Variants in IQCM observed in about 807,000 individuals in gnomAD.
IQCM encodes IQ domain-containing protein M.
Under a neutral mutation model 57.6 loss-of-function variants are expected in IQCM, and 45 were observed. The observed-to-expected ratio is 0.78, with a 90% confidence interval of 0.62 to 1.00. IQCM has a LOEUF of 1.00. Ranked by LOEUF, IQCM falls within the 50% of genes least tolerant of loss-of-function variation. The pLI is 0.00. For synonymous variants in IQCM, 148 were observed against 158.9 expected (o/e 0.93, Z 0.51); for missense variants, 468 against 511.6 (o/e 0.91, Z 0.82).
intron 12 of IQCM, among the ~76,000 whole-genome samples, chr4:149,486,350 A>G (rs938490444): frequency 6.6e-6 from 1 of 152,072 alleles, no homozygotes; most frequent in African/African-American, 2.4e-5. Flanking sequence ...CACCCACACC[A>G]TAGTACAAAG....
At chr4:149,570,898 G>T (rs1271031995) in intron 9 of IQCM, among the ~76,000 whole-genome samples, 1 of 151,978 alleles carries the variant, frequency 6.6e-6, no homozygotes, top group Admixed American at 6.6e-5. Flanking sequence ...ATGAAAAAAT[G>T]CTCAACATCA....
chr4:149,403,629 C>T (rs1201492613), intron 13 of IQCM, among the ~76,000 whole-genome samples: 1 of 151,790 alleles, frequency 6.6e-6, no homozygotes, highest in Non-Finnish European at 1.5e-5. Context: ...CTGTATGAGT[C>T]TTTCACTCAT....
intron 13 of IQCM, among the ~76,000 whole-genome samples, chr4:149,404,864 CAGAGAAATATATTTCGT>C (rs1732870972): frequency 6.6e-6 from 1 of 151,814 alleles, no homozygotes; most frequent in African/African-American, 2.4e-5. Flanking sequence ...CTAGAGAAAG[CAGAGAAATATATTTCGT>C]AGAGAAATAT....
chr4:149,783,810 C>G (rs1360857986), intron 2 of IQCM, among the ~76,000 whole-genome samples: 1 of 152,162 alleles, frequency 6.6e-6, no homozygotes, highest in Non-Finnish European at 1.5e-5. Context: ...GCTTCAACAG[C>G]ATCTAGATAC....
At chr4:149,743,133 T>G (rs1048354371) in intron 2 of IQCM, among the ~76,000 whole-genome samples, 1 of 152,206 alleles carries the variant, frequency 6.6e-6, no homozygotes, top group African/African-American at 2.4e-5. Flanking sequence ...GATTTCCTAC[T>G]ACTTTCTACT....
intron 13 of IQCM, among the ~76,000 whole-genome samples, chr4:149,377,711 C>G (rs962831759): frequency 6.6e-6 from 1 of 152,160 alleles, no homozygotes; most frequent in Non-Finnish European, 1.5e-5. Flanking sequence ...ATGTGCTATA[C>G]TAGCAAGAGC....
chr4:149,553,840 C>T (rs1749278711), intron 10 of IQCM, among the ~76,000 whole-genome samples: 1 of 152,060 alleles, frequency 6.6e-6, no homozygotes, highest in African/African-American at 2.4e-5. Flanking sequence ...ATTAGTTTAC[C>T]TGTGACTACA....
intron 2 of IQCM, among the ~76,000 whole-genome samples, chr4:149,766,713 T>A (rs1023760275): frequency 2.0e-5 from 3 of 152,162 alleles, no homozygotes; most frequent in Non-Finnish European, 2.9e-5. Context: ...ATGACCCAAC[T>A]GTTACTATTT....
At chr4:149,604,987 G>C (rs1754646832) in intron 8 of IQCM, among the ~76,000 whole-genome samples, 1 of 152,100 alleles carries the variant, frequency 6.6e-6, no homozygotes, top group South Asian at 2.1e-4. Flanking sequence ...GTATTCACTT[G>C]TGTGATTTCA....
In IQCM at chr4:149,381,902, G is replaced by A. The variant is rs1227483772; in HGVS notation, c.1391-29836C>T. ...TGATTCTCCTACCTCAGCTTCCCGAGTAGCTGGGATTACAGATATGTGCCA... is the reference window on the plus strand; with the variant it reads ...TGATTCTCCTACCTCAGCTTCCCGAATAGCTGGGATTACAGATATGTGCCA... On this transcript the variant is annotated intron_variant, in intron 13 of 13. Coordinates refer to ENST00000636793, the MANE Select transcript of IQCM (RefSeq NM_001363507.2). Among the ~76,000 whole-genome samples, 3 of 151,992 alleles carry A rather than the reference G, an allele frequency of 2.0e-5. No individual in the cohort carries two copies. In the East Asian group the frequency reaches 5.8e-4, roughly 29 times the overall value.
intron 12 of IQCM, among the ~76,000 whole-genome samples, chr4:149,491,564 C>CTATGTTT (rs1220535966): frequency 2.0e-5 from 3 of 151,994 alleles, no homozygotes; most frequent in South Asian, 4.1e-4. Flanking sequence ...CCAGGTTCAT[C>CTATGTTT]TATGTTTTTT....
At chr4:149,391,081 T>G (rs1731819299) in intron 13 of IQCM, among the ~76,000 whole-genome samples, 1 of 151,852 alleles carries the variant, frequency 6.6e-6, no homozygotes, top group Non-Finnish European at 1.5e-5. Flanking sequence ...GCATTAATTC[T>G]TCTTTAAATG....
chr4:149,446,025 A>G (rs1736469309), intron 12 of IQCM, among the ~76,000 whole-genome samples: 1 of 151,834 alleles, frequency 6.6e-6, no homozygotes, highest in South Asian at 2.1e-4. Flanking sequence ...AAATCTTGAC[A>G]TTATTTTATC....
intron 12 of IQCM, among the ~76,000 whole-genome samples, chr4:149,453,195 T>C (rs1737321549): frequency 6.6e-6 from 1 of 151,662 alleles, no homozygotes; most frequent in Non-Finnish European, 1.5e-5. Context: ...CAAAAATTAA[T>C]TATTAATTTA....
chr4:149,449,848 A>G (rs1406318652), intron 12 of IQCM, among the ~76,000 whole-genome samples: 1 of 151,844 alleles, frequency 6.6e-6, no homozygotes, highest in African/African-American at 2.4e-5. Flanking sequence ...ACAGAAATAC[A>G]AAAGAAAAAT....
chr4:149,591,103 A>C (rs1362265913), intron 8 of IQCM, among the ~76,000 whole-genome samples: 1 of 152,056 alleles, frequency 6.6e-6, no homozygotes, highest in Non-Finnish European at 1.5e-5. Context: ...ACTACTTTTC[A>C]TACTCCTTTT....
chr4:149,800,939 T>C (rs189488208), intron 2 of IQCM, among the ~76,000 whole-genome samples: 1 of 151,934 alleles, frequency 6.6e-6, no homozygotes, highest in East Asian at 1.9e-4. Context: ...GCAATCCCTA[T>C]CAAAATACCA....
chr4:149,520,990 G>C (rs1204361814), intron 12 of IQCM, among the ~76,000 whole-genome samples: 2 of 152,082 alleles, frequency 1.3e-5, no homozygotes. Context: ...AAACTACCCT[G>C]AGTTCTGTGA....
chr4:149,576,140 ATTTT>A (rs1040259104), intron 9 of IQCM, among the ~76,000 whole-genome samples: 9 of 151,482 alleles, frequency 5.9e-5, no homozygotes, highest in Non-Finnish European at 1.3e-4. Context: ...ATCAATTCTG[ATTTT>A]TTTTCTTTCC....
Sources: gnomAD v4.1 joint callset for allele counts (sites outside exome capture counted in the v4.1 genomes callset) on GRCh38, gnomAD v4.1.1 for gene constraint, MANE v1.5 for transcripts, NCBI Gene and HGNC (gene_info 2026-07-23, HGNC 2026-07-21) for gene names.